The following CAMK1G variants were observed in gnomAD, a reference collection of about 807,000 sequenced individuals.
CAMK1G encodes the protein calcium/calmodulin-dependent protein kinase type 1G.
In CAMK1G, 27 loss-of-function variants were observed where a neutral mutation model predicts 54.8. The ratio of observed to expected loss-of-function variants is 0.49; its 90% CI spans 0.36 to 0.68. CAMK1G has a LOEUF of 0.68. CAMK1G is among the 30% of genes least tolerant of loss of function. The pLI is 0.00. For synonymous variants in CAMK1G, 238 were observed against 224.9 expected (o/e 1.06, Z -0.52); for missense variants, 512 against 591.0 (o/e 0.87, Z 1.39).
At chr1:209,598,802 C>T (rs1178493432) in intron 2 of CAMK1G, among the ~76,000 whole-genome samples, 5 of 152,094 alleles carry the variant, frequency 3.3e-5, no homozygotes, top group East Asian at 1.9e-4. Context: ...CTTAGAAAAA[C>T]GTTTCAAAAA....
chr1:209,604,388 A>G (rs1458307917), intron 4 of CAMK1G, among the ~76,000 whole-genome samples: 1 of 152,180 alleles, frequency 6.6e-6, no homozygotes, highest in Admixed American at 6.5e-5. Context: ...CTGAGGAGAC[A>G]CTAAGCCTCC....
At chr1:209,588,441 G>A (rs912072060) in intron 1 of CAMK1G, among the ~76,000 whole-genome samples, 2 of 152,078 alleles carry the variant, frequency 1.3e-5, no homozygotes, top group Non-Finnish European at 2.9e-5. Flanking sequence ...GAATTATAAC[G>A]TGATGCTCCT....
intron 4 of CAMK1G, among the ~76,000 whole-genome samples, chr1:209,605,274 G>GAA (rs1665619745): frequency 6.6e-6 from 1 of 152,168 alleles, no homozygotes; most frequent in Non-Finnish European, 1.5e-5. Context: ...GCCCCAACCA[G>GAA]AAGCATTTAC....
At chr1:209,598,223 G>C (rs905026530) in intron 2 of CAMK1G, among the ~76,000 whole-genome samples, 2 of 152,164 alleles carry the variant, frequency 1.3e-5, no homozygotes, top group Non-Finnish European at 2.9e-5. Flanking sequence ...CACCTGCTCT[G>C]TCTTCAGAGC....
chr1:209,609,302 G>A (rs1224223776), intron 8 of CAMK1G, among the ~76,000 whole-genome samples: 1 of 151,992 alleles, frequency 6.6e-6, no homozygotes, highest in East Asian at 1.9e-4. Flanking sequence ...TTTTTCTGGA[G>A]GCAGAACCAC....
At position 209,613,710 on chromosome 1, in the gene CAMK1G, G is replaced by T. The variant is rs987672504; in HGVS notation, c.*708G>T. 1 of 152,262 alleles carries T rather than the reference G, an allele frequency of 6.6e-6. No individual in the cohort carries two copies. Among genetic ancestry groups the T allele is most frequent in the Non-Finnish European group, 1.5e-5 (1 of 68,104 alleles). 9.4% of individuals were successfully genotyped at this position (152,262 alleles called of 1,614,324 possible). ...AGAAAGAAGTTCATGAGTAAGGGCTGCAAGGAATTCTTATCCTGGCCACAT... is the reference window on the plus strand; with the variant it reads ...AGAAAGAAGTTCATGAGTAAGGGCTTCAAGGAATTCTTATCCTGGCCACAT... On this transcript the variant is annotated 3_prime_UTR_variant, in exon 13 of 13. Transcript: ENST00000361322.
In CAMK1G at chr1:209,612,216, A is replaced by G. The variant is rs1571789529; in HGVS notation, c.1340A>G (p.Gln447Arg). The change falls in exon 11 of 13, where the codon CAG becomes CGG. Residue 447 changes from glutamine to arginine, a missense_variant and splice_region_variant. Physicochemically the swap from Gln to Arg is conservative, Grantham distance 43. Coordinates refer to ENST00000361322, the MANE Select transcript of CAMK1G (RefSeq NM_020439.3). ...PTLLKKANKK[Q>R]NFKSEVMVPV... is the part of the protein sequence containing the mutation. ...CTCCTCAAAAAGGCCAACAAAAAACAGTACGTATTTTTAGCCAAAGATGGA... is the reference window on the plus strand; with the variant it reads ...CTCCTCAAAAAGGCCAACAAAAAACGGTACGTATTTTTAGCCAAAGATGGA... 2 of 1,611,660 alleles carry G rather than the reference A, an allele frequency of 1.2e-6. No individual in the cohort carries two copies. The highest frequency in any genetic ancestry group is 1.3e-5 in the African/African-American group (1 of 75,008).
chr1:209,608,901 G>A, intron 7 of CAMK1G, 79 bp from the exon 8 acceptor site: 2 of 1,585,144 alleles, frequency 1.3e-6, no homozygotes, highest in Admixed American at 3.4e-5. Context: ...GTATACAGTG[G>A]GAGCTTGGGG....
chr1:209,595,100 G>T (rs1273805326), intron 2 of CAMK1G, 25 bp downstream of exon 2: 9 of 1,580,312 alleles, frequency 5.7e-6, no homozygotes, highest in Middle Eastern at 1.7e-4. Flanking sequence ...TGTGAGGTCG[G>T]GTGGGCTGGG....
intron 11 of CAMK1G, 73 bp downstream of exon 11, chr1:209,612,289 T>C (rs1166476605): frequency 1.3e-6 from 2 of 1,523,556 alleles, no homozygotes; most frequent in East Asian, 2.3e-5. Context: ...CTGAAAGAAA[T>C]GGACACAAAG....
chr1:209,593,611 C>T (rs1665310517), intron 1 of CAMK1G, among the ~76,000 whole-genome samples: 2 of 152,172 alleles, frequency 1.3e-5, no homozygotes, highest in Admixed American at 6.5e-5. Context: ...CTGCCAGAAA[C>T]ATGGGAGTCC....
At chr1:209,605,755 A>T in intron 5 of CAMK1G, 81 bp downstream of exon 5, 1 of 1,431,542 alleles carries the variant, frequency 7.0e-7, no homozygotes, top group Non-Finnish European at 9.5e-7. Flanking sequence ...TCTAAGCTCC[A>T]TAAAGTAAGA....
At chr1:209,606,712 C>T (rs1431376204) in intron 6 of CAMK1G, among the ~76,000 whole-genome samples, 1 of 152,202 alleles carries the variant, frequency 6.6e-6, no homozygotes, top group Non-Finnish European at 1.5e-5. Context: ...TGCGGATAGA[C>T]TTCCAGCCTT....
In CAMK1G at chr1:209,586,392, A is replaced by G. The variant is rs538858481; in HGVS notation, c.-30+2620A>G. 4.5e-4 allele frequency among the ~76,000 whole-genome samples: 68 copies of G among 152,282 alleles called. 1 individual carries two copies. In the South Asian group the frequency reaches 0.013, roughly 30 times the overall value. On this transcript the variant is annotated intron_variant, in intron 1 of 12. Transcript: ENST00000361322. Reference sequence around the variant, plus strand: ...TTCCCTGTTTTCTTGGTTGAGTACCAGATGAAGTAGTTGGCTTGCATTCAG... The same window carrying G: ...TTCCCTGTTTTCTTGGTTGAGTACCGGATGAAGTAGTTGGCTTGCATTCAG...
intron 8 of CAMK1G, 80 bp downstream of exon 8, chr1:209,609,172 C>T: frequency 6.4e-7 from 1 of 1,552,136 alleles, no homozygotes; most frequent in Non-Finnish European, 8.9e-7. Flanking sequence ...CAAAGGATGA[C>T]AGTCCCGGCT....
chr1:209,609,045 G>T lies in CAMK1G; in HGVS notation c.701G>T (p.Gly234Val). 1 of 1,614,162 alleles carries T rather than the reference G, an allele frequency of 6.2e-7. No homozygotes were observed. The highest frequency in any genetic ancestry group is 8.5e-7 in the Non-Finnish European group (1 of 1,180,024). ...ESKLFEKIKE[G>V]YYEFESPFWD... ...AAGCTTTTCGAGAAGATCAAGGAGG[G>T]CTACTATGAGTTTGAGTCTCCATTC... Residue 234 changes from glycine to valine, a missense_variant, in exon 8 of 13, where the codon GGC becomes GTC. By Grantham distance (109) the Gly-to-Val change is moderately radical. Around this residue, in one of 3 missense-constraint regions of CAMK1G, gnomAD observed 315 missense variants for 330.5 expected, o/e 0.95. Coordinates refer to ENST00000361322, the MANE Select transcript of CAMK1G (RefSeq NM_020439.3).
In CAMK1G at chr1:209,613,626, C is replaced by G. The variant is rs959944730; in HGVS notation, c.*624C>G. 1 of 152,292 alleles carries G rather than the reference C, an allele frequency of 6.6e-6. No individual in the cohort carries two copies. Among genetic ancestry groups the G allele is most frequent in the African/African-American group, 2.4e-5 (1 of 41,450 alleles). 9.4% of individuals were successfully genotyped at this position (152,292 alleles called of 1,614,324 possible). A position where few individuals can be genotyped will look rare whatever the true frequency, so the allele number is the denominator to read the frequency against. On this transcript the variant is annotated 3_prime_UTR_variant, in exon 13 of 13. Transcript: ENST00000361322. Reference sequence around the variant, plus strand: ...AGTGCGCTGAGACCCAGCCAGCACACTTCTGGCCCTTCTCCCTGCCTCAAT... The same window carrying G: ...AGTGCGCTGAGACCCAGCCAGCACAGTTCTGGCCCTTCTCCCTGCCTCAAT...
In CAMK1G at chr1:209,613,272, C is replaced by T; in HGVS notation, c.*270C>T. 4.4e-6 allele frequency: 1 copy of T among 226,736 alleles called. No individual in the cohort carries two copies. Among genetic ancestry groups the T allele is most frequent in the Non-Finnish European group, 9.1e-6 (1 of 110,048 alleles). The allele number at this position is 226,736 out of a possible 1,614,324, so 14.0% of individuals were successfully genotyped here. On this transcript the variant is annotated 3_prime_UTR_variant, in exon 13 of 13. Transcript: ENST00000361322. ...CCCACCAGCTTCCAGGTCTCCCTGA[C>T]CTGCCTGCTCTATGCCCCACACCCT...
At chr1:209,608,736 T>C (rs2102394736) in intron 7 of CAMK1G, among the ~76,000 whole-genome samples, 1 of 152,290 alleles carries the variant, frequency 6.6e-6, no homozygotes, top group South Asian at 2.1e-4. Flanking sequence ...TGGCAAGGGT[T>C]GGAGGGCATA....
Sources: allele counts gnomAD v4.1 joint callset (sites outside exome capture counted in the v4.1 genomes callset), GRCh38; gene constraint gnomAD v4.1.1; regional missense constraint gnomAD v4.1.1; transcripts MANE v1.5; gene names NCBI Gene and HGNC (gene_info 2026-07-23, HGNC 2026-07-21).